Variants in UBAP2 observed in about 807,000 individuals in gnomAD.
UBAP2 encodes ubiquitin associated protein 2.
Under a neutral mutation model 139.6 loss-of-function variants are expected in UBAP2, and 75 were observed. That is an observed-to-expected ratio of 0.54 (90% CI 0.45 to 0.65). The LOEUF is 0.65. Ranked by LOEUF, UBAP2 falls within the 30% of genes least tolerant of loss-of-function variation. The pLI, the probability that UBAP2 is intolerant of heterozygous loss-of-function variation, is 0.00. For missense variants in UBAP2, 1,368 were observed against 1,369.6 expected (o/e 1.00, Z 0.02); for synonymous variants, 526 against 526.2 (o/e 1.00, Z 0.01).
chr9:33,969,810 G>A, intron 8 of UBAP2, among the ~76,000 whole-genome samples: 1 of 150,744 alleles, frequency 6.6e-6, no homozygotes, highest in East Asian at 2.0e-4. Flanking sequence ...AGGTTGCAGT[G>A]AGCCAAGATC....
At chr9:33,963,452 T>C (rs1827221907) in intron 9 of UBAP2, among the ~76,000 whole-genome samples, 1 of 152,244 alleles carries the variant, frequency 6.6e-6, no homozygotes, top group Non-Finnish European at 1.5e-5. Context: ...ATGTTTTATG[T>C]TCAATTTAAC....
intron 6 of UBAP2, among the ~76,000 whole-genome samples, chr9:33,977,005 C>T (rs527551342): frequency 3.5e-4 from 52 of 148,730 alleles, no homozygotes; most frequent in African/African-American, 1.1e-3. Context: ...AAGTAAGACT[C>T]GGTCTTGGAA....
Position 34,035,514 on chromosome 9 carries a change from A to AAAAAAAAAAAAAAATATATAT in UBAP2, c.-42+13310_-42+13311insATATATATTTTTTTTTTTTTT. ...GAGACTCCATCTAAAAAAAAAAAAAAATATATATATATAAAGATTAGCCAG... is the reference window on the plus strand; with the variant it reads ...GAGACTCCATCTAAAAAAAAAAAAAAAAAAAAAAAAAAAATATATATATATATATATATAAAGATTAGCCAG... On this transcript the variant is annotated intron_variant, in intron 1 of 28. Coordinates refer to ENST00000379238, the MANE Select transcript of UBAP2 (RefSeq NM_001370062.2). Among the ~76,000 whole-genome samples the AAAAAAAAAAAAAAATATATAT allele has an allele frequency of 2.1e-3, 47 of 22,480 alleles. 3 individuals carry two copies. The highest frequency in any genetic ancestry group is 4.5e-3 in the African/African-American group (35 of 7,842). The allele number at this position is 22,480 out of a possible 152,430, so 14.7% of individuals were successfully genotyped here.
intron 21 of UBAP2, 34 bp from the exon 22 acceptor site, chr9:33,926,698 C>T: frequency 1.2e-6 from 2 of 1,612,730 alleles, no homozygotes; most frequent in Non-Finnish European, 8.5e-7. Flanking sequence ...TTTTAGGAAC[C>T]ACATACCACA....
intron 17 of UBAP2, 35 bp downstream of exon 17, chr9:33,935,804 C>G: frequency 6.2e-7 from 1 of 1,613,662 alleles, no homozygotes; most frequent in South Asian, 1.1e-5. Context: ...TGGTTGGCAC[C>G]AGCCATGACA....
In UBAP2 at chr9:34,017,058, C is replaced by T. The variant is rs1481396211; in HGVS notation, c.91G>A (p.Val31Met). ...AAQSTQPQKQ[V>M]VQATAEQMRL... is the part of the protein sequence containing the mutation. ...GTTCCACAAAAACTTACCTGTACCA[C>T]TTGTTTCTGTGGTTGCGTTGATTGT... The change falls in exon 2 of 29, where the codon GTG becomes ATG. Residue 31 changes from valine to methionine, a missense_variant. Physicochemically the swap from Val to Met is conservative, Grantham distance 21 (BLOSUM62 1). Coordinates refer to ENST00000379238, the MANE Select transcript of UBAP2 (RefSeq NM_001370062.2). 6.3e-7 allele frequency: 1 copy of T among 1,595,940 alleles called. No individual in the cohort carries two copies. The highest frequency in any genetic ancestry group is 1.4e-5 in the African/African-American group (1 of 73,548).
At chr9:33,952,455 A>G (rs959867386) in intron 12 of UBAP2, among the ~76,000 whole-genome samples, 1 of 152,196 alleles carries the variant, frequency 6.6e-6, no homozygotes, top group African/African-American at 2.4e-5. Context: ...ACACATCCAA[A>G]CTATAAGGGC....
rs1203157593 is a variant in UBAP2, at chr9:33,986,722, T to C, written c.520+38A>G. On this transcript the variant is annotated intron_variant, in intron 6 of 28. Transcript: ENST00000379238. ...AACGCAACTGCCTGCTTCTTCCCCCTAATTGAAAGCATTTTCTTCCCTCTT... is the reference window on the plus strand; with the variant it reads ...AACGCAACTGCCTGCTTCTTCCCCCCAATTGAAAGCATTTTCTTCCCTCTT... The C allele has an allele frequency of 5.1e-6, 8 of 1,572,464 alleles. No homozygotes were observed. The South Asian group carries it at 8.9e-5, about 17-fold the overall frequency.
Position 33,962,673 on chromosome 9 carries a change from TA to T in UBAP2, c.745+1052del, listed in dbSNP as rs1564032658. 2.8e-3 allele frequency among the ~76,000 whole-genome samples: 379 copies of T among 134,738 alleles called. 1 individual carries two copies. Among genetic ancestry groups the T allele is most frequent in the Non-Finnish European group, 4.9e-3 (306 of 62,104 alleles). The allele number at this position is 134,738 out of a possible 152,430, so 88.4% of individuals were successfully genotyped here. A position where few individuals can be genotyped will look rare whatever the true frequency, so the allele number is the denominator to read the frequency against. ...ATAAATAAATAAATAAATAAATAAATAAATAAATAATTAAAAAATAGGGCCT... is the reference window on the plus strand; with the variant it reads ...ATAAATAAATAAATAAATAAATAAATAATAAATAATTAAAAAATAGGGCCT... On this transcript the variant is annotated intron_variant, in intron 9 of 28. Coordinates refer to ENST00000379238, the MANE Select transcript of UBAP2 (RefSeq NM_001370062.2).
Position 33,923,960 on chromosome 9 carries a change from A to G in UBAP2, c.2631T>C (p.Pro877=). ...TKFGRGDSAS[P]APATTPAQPQ... is the part of the protein sequence containing the mutation. The stretch of plus-strand genomic sequence containing the variant: ...GCTGAGCTGGTGTGGTAGCGGGTGC[A>G]GGGGATGCAGAGTCCCCACGGCCAA... Residue 877 remains proline (P), a synonymous_variant, in exon 24 of 29, where the codon CCT becomes CCC. Coordinates refer to ENST00000379238, the MANE Select transcript of UBAP2 (RefSeq NM_001370062.2). 1.2e-6 allele frequency: 2 copies of G among 1,614,082 alleles called. No homozygotes were observed. Among genetic ancestry groups the G allele is most frequent in the Non-Finnish European group, 1.7e-6 (2 of 1,180,004 alleles).
chr9:34,000,413 G>A (rs1298862643), intron 2 of UBAP2, among the ~76,000 whole-genome samples: 6 of 152,144 alleles, frequency 3.9e-5, no homozygotes, highest in Non-Finnish European at 7.4e-5. Context: ...CTTCTGTGGC[G>A]TGACTTTGTA....
chr9:33,933,967 G>A (rs998329329), intron 17 of UBAP2: 1 of 215,400 alleles, frequency 4.6e-6, no homozygotes, highest in Non-Finnish European at 9.7e-6. Context: ...CAGGTGCTGA[G>A]CCTAATATGT....
At chr9:33,943,669 C>T (rs1322549317) in intron 14 of UBAP2, 80 bp from the exon 15 acceptor site, 2 of 1,370,752 alleles carry the variant, frequency 1.5e-6, no homozygotes, top group Non-Finnish European at 2.0e-6. Context: ...GCCAAACAAG[C>T]ATTTAGGTTC....
chr9:33,986,556 C>T (rs926923125), intron 6 of UBAP2, among the ~76,000 whole-genome samples: 7 of 152,182 alleles, frequency 4.6e-5, no homozygotes, highest in Non-Finnish European at 7.3e-5. Context: ...TTTCTCAGCT[C>T]ATCCAAAAAC....
At chr9:33,970,978 A>G (rs753457101) in intron 8 of UBAP2, among the ~76,000 whole-genome samples, 21 of 151,726 alleles carry the variant, frequency 1.4e-4, no homozygotes, top group Non-Finnish European at 2.8e-4. Context: ...AATTTTTTGT[A>G]TTTTTGTAGA....
intron 7 of UBAP2, 40 bp from the exon 8 acceptor site, chr9:33,971,794 C>A (rs373130260): frequency 8.0e-7 from 1 of 1,251,154 alleles, no homozygotes; most frequent in South Asian, 1.2e-5. Flanking sequence ...GCAAAAGAAG[C>A]AAACACCTAA....
chr9:33,956,816 CAA>C (rs1161971562), intron 10 of UBAP2, among the ~76,000 whole-genome samples: 1 of 151,890 alleles, frequency 6.6e-6, no homozygotes, highest in Non-Finnish European at 1.5e-5. Context: ...ACAGAAATGC[CAA>C]AAAGAAGTTG....
intron 10 of UBAP2, among the ~76,000 whole-genome samples, chr9:33,956,822 G>C (rs1208441889): frequency 6.6e-6 from 1 of 152,024 alleles, no homozygotes; most frequent in Non-Finnish European, 1.5e-5. Context: ...ATGCCAAAAA[G>C]AAGTTGAGAA....
intron 9 of UBAP2, among the ~76,000 whole-genome samples, chr9:33,962,930 G>A (rs1014666689): frequency 6.6e-6 from 1 of 151,178 alleles, no homozygotes; most frequent in Non-Finnish European, 1.5e-5. Flanking sequence ...AGTGAGCCGA[G>A]ATCGCACCAT....
Sources: gnomAD v4.1 joint callset for allele counts (sites outside exome capture counted in the v4.1 genomes callset) on GRCh38, gnomAD v4.1.1 for gene constraint, MANE v1.5 for transcripts, NCBI Gene and HGNC (gene_info 2026-07-23, HGNC 2026-07-21) for gene names.